The following MBTD1 variants were observed in gnomAD, a reference collection of about 807,000 sequenced individuals.
The protein encoded by MBTD1 is mbt domain containing 1, also known as MBT domain-containing protein 1.
Under a neutral mutation model 87.8 loss-of-function variants are expected in MBTD1, and 24 were observed. The observed-to-expected ratio is 0.27, with a 90% CI of 0.20 to 0.38. MBTD1 has a LOEUF of 0.38. Among genes scored for constraint, MBTD1 ranks in the 10% least tolerant of loss-of-function variants. MBTD1 has a pLI of 1.00. For missense variants in MBTD1, 436 were observed against 760.2 expected (o/e 0.57, Z 5.02); for synonymous variants, 237 against 248.6 (o/e 0.95, Z 0.44).
At chr17:51,255,566 T>TA (rs1175157981) in intron 2 of MBTD1, among the ~76,000 whole-genome samples, 9 of 151,884 alleles carry the variant, frequency 5.9e-5, no homozygotes, top group Admixed American at 1.3e-4. Flanking sequence ...TTAGAAGTCT[T>TA]AAAGTAATAG....
chr17:51,206,138 C>T (rs2051818458), intron 7 of MBTD1, among the ~76,000 whole-genome samples: 1 of 152,130 alleles, frequency 6.6e-6, no homozygotes, highest in East Asian at 1.9e-4. Context: ...TAGTAGATTC[C>T]TAACATGTTT....
intron 12 of MBTD1, 67 bp from the exon 13 acceptor site, chr17:51,195,428 C>T: frequency 3.8e-6 from 5 of 1,318,360 alleles, no homozygotes; most frequent in Non-Finnish European, 4.1e-6. Flanking sequence ...AATACTTTGA[C>T]ATTCTAAAAG....
chr17:51,241,983 C>CT (rs1398363291), intron 2 of MBTD1, among the ~76,000 whole-genome samples: 2 of 152,184 alleles, frequency 1.3e-5, no homozygotes, highest in Non-Finnish European at 2.9e-5. Flanking sequence ...TGACATGCCT[C>CT]TATCATTTTC....
intron 6 of MBTD1, among the ~76,000 whole-genome samples, chr17:51,216,801 C>G (rs903281441): frequency 1.3e-5 from 2 of 152,114 alleles, no homozygotes; most frequent in African/African-American, 4.8e-5. Flanking sequence ...CCAGGATGGT[C>G]TTGAACTCCT....
At chr17:51,202,646 A>T in intron 10 of MBTD1, 55 bp downstream of exon 10, 1 of 1,288,880 alleles carries the variant, frequency 7.8e-7, no homozygotes, top group Non-Finnish European at 1.1e-6. Context: ...ATAACCAACT[A>T]GTATAATCAG....
At chr17:51,231,808 AT>A (rs58688688) in intron 2 of MBTD1, among the ~76,000 whole-genome samples, 421 of 146,564 alleles carry the variant, frequency 2.9e-3, no homozygotes, top group African/African-American at 6.4e-3. Context: ...TTCTGAAGTG[AT>A]TTTTTTTTTT....
chr17:51,194,702 T>C (rs991831741), intron 13 of MBTD1, among the ~76,000 whole-genome samples: 1 of 144,622 alleles, frequency 6.9e-6, no homozygotes. Flanking sequence ...GGTAACATAG[T>C]GAGATTCCTG....
chr17:51,221,066 G>A (rs1299903940), intron 3 of MBTD1, among the ~76,000 whole-genome samples: 2 of 152,190 alleles, frequency 1.3e-5, no homozygotes, highest in East Asian at 3.8e-4. Context: ...GCCGAGGCAG[G>A]AGAACTGGCT....
intron 2 of MBTD1, among the ~76,000 whole-genome samples, chr17:51,258,871 C>T (rs2055258097): frequency 6.6e-6 from 1 of 152,180 alleles, no homozygotes; most frequent in African/African-American, 2.4e-5. Context: ...TTTCGGCTAG[C>T]CCTCACTATC....
At chr17:51,237,608 T>C (rs956427370) in intron 2 of MBTD1, among the ~76,000 whole-genome samples, 2 of 151,968 alleles carry the variant, frequency 1.3e-5, no homozygotes, top group Non-Finnish European at 2.9e-5. Context: ...AAAACACAAA[T>C]TAAAACCACA....
chr17:51,199,780 T>C (rs921881794), intron 12 of MBTD1, among the ~76,000 whole-genome samples: 2 of 152,112 alleles, frequency 1.3e-5, no homozygotes, highest in African/African-American at 4.8e-5. Flanking sequence ...TCCAGCTGTC[T>C]GACCATGTGA....
rs541476274 is a variant in MBTD1, at chr17:51,218,744, A to G, written c.403+186T>C. Among the ~76,000 whole-genome samples the G allele has an allele frequency of 1.1e-4, 17 of 152,292 alleles. No homozygotes were observed. The South Asian group carries it at 1.9e-3, about 17-fold the overall frequency. ...CTGCCAAAAGCACTTGAACTTATGC[A>G]TGCAACTATACTCTTCTAGAGTAAT... On this transcript the variant is annotated intron_variant, in intron 5 of 16. Coordinates refer to ENST00000586178, the MANE Select transcript of MBTD1 (RefSeq NM_017643.3).
At chr17:51,204,529 G>T (rs2051699886) in intron 7 of MBTD1, among the ~76,000 whole-genome samples, 1 of 126,964 alleles carries the variant, frequency 7.9e-6, no homozygotes, top group Non-Finnish European at 1.8e-5. Context: ...TGAAGACAGG[G>T]TCTTGCTCTA....
intron 9 of MBTD1, 48 bp downstream of exon 9, chr17:51,203,092 C>T (rs368645140): frequency 7.0e-7 from 1 of 1,434,238 alleles, no homozygotes; most frequent in East Asian, 2.3e-5. Flanking sequence ...TTCTCTGTTA[C>T]CCTTGTTTTT....
chr17:51,206,576 C>A (rs931955507), intron 7 of MBTD1, among the ~76,000 whole-genome samples: 1 of 152,136 alleles, frequency 6.6e-6, no homozygotes, highest in African/African-American at 2.4e-5. Flanking sequence ...TGATACATAA[C>A]TATTATATGA....
At chr17:51,227,765 C>T (rs1275305547) in intron 2 of MBTD1, among the ~76,000 whole-genome samples, 1 of 151,714 alleles carries the variant, frequency 6.6e-6, no homozygotes, top group Non-Finnish European at 1.5e-5. Context: ...GCCTAGTCCA[C>T]GTGGGGAAAT....
chr17:51,255,674 C>T (rs2055047939), intron 2 of MBTD1, among the ~76,000 whole-genome samples: 1 of 150,792 alleles, frequency 6.6e-6, no homozygotes, highest in South Asian at 2.1e-4. Context: ...TGGCTCACTT[C>T]AACCTGGGTC....
At chr17:51,190,638 C>T (rs1016948533) in intron 16 of MBTD1, among the ~76,000 whole-genome samples, 2 of 138,352 alleles carry the variant, frequency 1.4e-5, no homozygotes, top group African/African-American at 5.5e-5. Flanking sequence ...GGGAGAATTG[C>T]TTGTACCCGA....
chr17:51,189,624 A>G (rs770231431), intron 16 of MBTD1, among the ~76,000 whole-genome samples: 2 of 152,362 alleles, frequency 1.3e-5, no homozygotes, highest in South Asian at 2.1e-4. Flanking sequence ...AAACTCACAG[A>G]TAAGTTCTAA....
Sources: allele counts gnomAD v4.1 joint callset (sites outside exome capture counted in the v4.1 genomes callset), GRCh38; gene constraint gnomAD v4.1.1; transcripts MANE v1.5; gene names NCBI Gene and HGNC (gene_info 2026-07-23, HGNC 2026-07-21).